HCN1: variants seen among roughly 807,000 people sequenced by gnomAD.
The protein encoded by HCN1 is potassium/sodium hyperpolarization-activated cyclic nucleotide-gated channel 1.
HCN1 carries 13 observed loss-of-function variants against 78.9 expected under a neutral mutation model. That is an observed-to-expected ratio of 0.16 (90% confidence interval 0.11 to 0.26). The LOEUF (loss-of-function observed/expected upper bound fraction) is 0.26, where lower values mean the gene tolerates loss of function less well. Ranked by LOEUF, HCN1 falls within the 10% of genes least tolerant of loss-of-function variation. HCN1 has a pLI of 1.00. For synonymous variants in HCN1, 552 were observed against 455.5 expected (o/e 1.21, Z -2.70); for missense variants, 810 against 1,154.3 (o/e 0.70, Z 4.32).
At chr5:45,325,918 A>G (rs1333082691) in intron 5 of HCN1, among the ~76,000 whole-genome samples, 1 of 151,684 alleles carries the variant, frequency 6.6e-6, no homozygotes, top group Non-Finnish European at 1.5e-5. Context: ...AAAATGATGT[A>G]TTAAATTACA....
chr5:45,541,878 A>G (rs1297517333), intron 2 of HCN1, among the ~76,000 whole-genome samples: 1 of 152,208 alleles, frequency 6.6e-6, no homozygotes, highest in Non-Finnish European at 1.5e-5. Flanking sequence ...AACATAATGA[A>G]TAACTTTAAA....
At chr5:45,437,519 T>C (rs1179897694) in intron 3 of HCN1, among the ~76,000 whole-genome samples, 1 of 152,222 alleles carries the variant, frequency 6.6e-6, no homozygotes, top group African/African-American at 2.4e-5. Flanking sequence ...TCTAGTCTCA[T>C]CCATTCACAT....
chr5:45,590,498 T>G (rs1744337682), intron 2 of HCN1, among the ~76,000 whole-genome samples: 1 of 152,182 alleles, frequency 6.6e-6, no homozygotes, highest in African/African-American at 2.4e-5. Context: ...ACATTGACAC[T>G]TTGTTATTAC....
At chr5:45,303,888 C>A in intron 5 of HCN1, 49 bp from the exon 6 acceptor site, 1 of 1,528,574 alleles carries the variant, frequency 6.5e-7, no homozygotes, top group South Asian at 1.1e-5. Flanking sequence ...TTAATCATAT[C>A]TGGAAGAAAA....
At position 45,373,567 on chromosome 5, in the gene HCN1, T is replaced by G. The variant is rs192839646; in HGVS notation, c.1231-20321A>C. Among the ~76,000 whole-genome samples, 403 of 139,198 alleles carry G rather than the reference T, an allele frequency of 2.9e-3. 4 individuals are homozygous for G. The highest frequency in any genetic ancestry group is 9.7e-3 in the African/African-American group (365 of 37,466). 91.3% of individuals were successfully genotyped at this position (139,198 alleles called of 152,430 possible). ...TCATCTATAATATATATTACATACA[T>G]TATATACGTCATCTATAATATATTA... On this transcript the variant is annotated intron_variant, in intron 4 of 7. Transcript: ENST00000303230.
chr5:45,517,220 C>A (rs1366509682), intron 2 of HCN1, among the ~76,000 whole-genome samples: 2 of 151,854 alleles, frequency 1.3e-5, no homozygotes, highest in African/African-American at 2.4e-5. Flanking sequence ...ATAGTCAGAA[C>A]AGACAGGAAT....
chr5:45,373,422 A>C (rs1747479570), intron 4 of HCN1, among the ~76,000 whole-genome samples: 1 of 134,896 alleles, frequency 7.4e-6, no homozygotes, highest in South Asian at 2.2e-4. Context: ...ATTATAATAT[A>C]TATCCCTCAG....
intron 2 of HCN1, among the ~76,000 whole-genome samples, chr5:45,527,964 A>G (rs1456334964): frequency 6.6e-6 from 1 of 150,890 alleles, no homozygotes; most frequent in Admixed American, 6.6e-5. Flanking sequence ...AAAATACTCT[A>G]TAGTCCTAGG....
At chr5:45,596,941 T>A (rs766903601) in intron 2 of HCN1, among the ~76,000 whole-genome samples, 1 of 152,188 alleles carries the variant, frequency 6.6e-6, no homozygotes, top group Admixed American at 6.6e-5. Flanking sequence ...ACAGTACATT[T>A]ATCTGCTTCA....
intron 2 of HCN1, among the ~76,000 whole-genome samples, chr5:45,504,762 T>C (rs1362882977): frequency 6.6e-6 from 1 of 152,196 alleles, no homozygotes; most frequent in Non-Finnish European, 1.5e-5. Flanking sequence ...CCAGCACCTG[T>C]TGTTTCCTGA....
In HCN1 at chr5:45,446,355, C is replaced by T. The variant is rs149259619; in HGVS notation, c.1011+15491G>A. ...TTTAGACATGAAGAATAAAAAGAAA[C>T]GAACAAAGCCTCCAAGAAATATGGG... On this transcript the variant is annotated intron_variant, in intron 3 of 7. Coordinates refer to ENST00000303230, the MANE Select transcript of HCN1 (RefSeq NM_021072.4). Among the ~76,000 whole-genome samples, 32 of 151,976 alleles carry T rather than the reference C, an allele frequency of 2.1e-4. No individual in the cohort carries two copies. The East Asian group carries it at 3.1e-3, about 15-fold the overall frequency.
intron 2 of HCN1, among the ~76,000 whole-genome samples, chr5:45,581,400 T>A (rs891245905): frequency 3.3e-5 from 5 of 152,124 alleles, no homozygotes; most frequent in Admixed American, 6.6e-5. Flanking sequence ...CTTTGAGTTC[T>A]TTGTAGATTC....
At chr5:45,658,623 G>C (rs1202315417) in intron 1 of HCN1, among the ~76,000 whole-genome samples, 1 of 151,742 alleles carries the variant, frequency 6.6e-6, no homozygotes, top group African/African-American at 2.4e-5. Context: ...GAAGCAGGGC[G>C]AGGCATTGCC....
chr5:45,314,270 T>A (rs184604561), intron 5 of HCN1, among the ~76,000 whole-genome samples: 201 of 152,194 alleles, frequency 1.3e-3, no homozygotes, highest in African/African-American at 4.8e-3. Flanking sequence ...CTAAGCTTCA[T>A]AAGTGAAGGA....
intron 2 of HCN1, among the ~76,000 whole-genome samples, chr5:45,545,405 C>T (rs1743194574): frequency 6.6e-6 from 1 of 152,124 alleles, no homozygotes; most frequent in South Asian, 2.1e-4. Context: ...GTTGCCTGTT[C>T]ATTCTGATGT....
chr5:45,259,249 G>T lies in HCN1; in HGVS notation c.*2672C>A, dbSNP rs1194272048. 1 of 151,730 alleles carries T rather than the reference G, an allele frequency of 6.6e-6. No individual in the cohort carries two copies. The highest frequency in any genetic ancestry group is 1.5e-5 in the Non-Finnish European group (1 of 67,866). The allele number at this position is 151,730 out of a possible 1,614,324, so 9.4% of individuals were successfully genotyped here. On this transcript the variant is annotated 3_prime_UTR_variant, in exon 8 of 8. Coordinates refer to ENST00000303230, the MANE Select transcript of HCN1 (RefSeq NM_021072.4). The stretch of plus-strand genomic sequence containing the variant: ...TTGATAAAATAAAATATTCATGATT[G>T]TAGTTTATTTTTTGTTGAATTTATT...
rs1282081672 is a variant in HCN1 at position 45,260,567 on chromosome 5, T to C, written c.*1354A>G. On this transcript the variant is annotated 3_prime_UTR_variant, in exon 8 of 8. Coordinates refer to ENST00000303230, the MANE Select transcript of HCN1 (RefSeq NM_021072.4). ...AAGTTTACTAACCATTTAGTTACAA[T>C]ATACATAGAGCAAAATGTGTGTTCC... 2 of 152,438 alleles carry C rather than the reference T, an allele frequency of 1.3e-5. No homozygotes were observed. Among genetic ancestry groups the C allele is most frequent in the Admixed American group, 1.3e-4 (2 of 15,272 alleles). 9.4% of individuals were successfully genotyped at this position (152,438 alleles called of 1,614,324 possible).
intron 5 of HCN1, among the ~76,000 whole-genome samples, chr5:45,352,092 C>T (rs919023808): frequency 6.6e-6 from 1 of 152,140 alleles, no homozygotes; most frequent in Non-Finnish European, 1.5e-5. Context: ...TTTATTGCGG[C>T]ACTATTCCCA....
intron 2 of HCN1, among the ~76,000 whole-genome samples, chr5:45,636,639 G>C (rs1480809239): frequency 6.6e-6 from 1 of 152,066 alleles, no homozygotes; most frequent in African/African-American, 2.4e-5. Context: ...CTTGAGGCCA[G>C]GAGTTCCAGA....
Sources: gnomAD v4.1 joint callset for allele counts (sites outside exome capture counted in the v4.1 genomes callset) on GRCh38, gnomAD v4.1.1 for gene constraint, MANE v1.5 for transcripts, NCBI Gene and HGNC (gene_info 2026-07-23, HGNC 2026-07-21) for gene names.